FBXL2: variants seen among roughly 807,000 people sequenced by gnomAD.
FBXL2 encodes the protein F-box/LRR-repeat protein 2.
FBXL2 carries 38 observed loss-of-function variants against 69.2 expected under a neutral mutation model. The observed-to-expected ratio is 0.55, with a 90% CI of 0.42 to 0.72. The LOEUF (loss-of-function observed/expected upper bound fraction) is 0.72. Ranked by LOEUF, FBXL2 falls within the 30% of genes least tolerant of loss-of-function variation. The pLI, the probability that FBXL2 is intolerant of heterozygous loss-of-function variation, is 0.00. For missense variants in FBXL2, 354 were observed against 520.3 expected, an observed-to-expected ratio of 0.68 and a Z score of 3.11; for synonymous variants, 192 against 201.3, an observed-to-expected ratio of 0.95 and a Z score of 0.39.
At chr3:33,393,593 C>CA in intron 12 of FBXL2, 1 of 723,734 alleles carries the variant, frequency 1.4e-6, no homozygotes, top group East Asian at 3.1e-5. Flanking sequence ...TGGGAATAAA[C>CA]TATTTCTTTC....
intron 2 of FBXL2, among the ~76,000 whole-genome samples, chr3:33,337,873 A>G (rs760962997): frequency 3.6e-4 from 55 of 152,326 alleles, no homozygotes; most frequent in Non-Finnish European, 5.7e-4. Flanking sequence ...CAATAGCCAG[A>G]AAAAGAATAA....
chr3:33,350,725 C>T (rs1041254740), intron 2 of FBXL2, among the ~76,000 whole-genome samples: 7 of 152,010 alleles, frequency 4.6e-5, no homozygotes, highest in Non-Finnish European at 7.4e-5. Flanking sequence ...TGTGAGCCAC[C>T]GTGCCTAGCC....
At chr3:33,319,880 C>A (rs1239058658) in intron 2 of FBXL2, among the ~76,000 whole-genome samples, 4 of 151,878 alleles carry the variant, frequency 2.6e-5, no homozygotes, top group Non-Finnish European at 5.9e-5. Context: ...ATTCAGACAT[C>A]CAAAAAATAT....
intron 1 of FBXL2, among the ~76,000 whole-genome samples, chr3:33,294,615 G>C (rs1160747304): frequency 2.0e-5 from 3 of 152,062 alleles, no homozygotes; most frequent in Non-Finnish European, 4.4e-5. Context: ...AAGGCAGAAG[G>C]ATCAGTTGAG....
At chr3:33,279,369 C>T (rs561968439) in intron 1 of FBXL2, among the ~76,000 whole-genome samples, 74 of 152,088 alleles carry the variant, frequency 4.9e-4, no homozygotes, top group Non-Finnish European at 9.7e-4. Flanking sequence ...CTCCCGGGTA[C>T]ACGCCATTCT....
At chr3:33,307,880 A>AT (rs1408130570) in intron 2 of FBXL2, among the ~76,000 whole-genome samples, 3 of 152,134 alleles carry the variant, frequency 2.0e-5, no homozygotes, top group Admixed American at 2.0e-4. Flanking sequence ...GACCACATAG[A>AT]TTTTTTTAAA....
chr3:33,385,600 A>G lies in FBXL2; in HGVS notation c.1264A>G (p.Ile422Val). The change falls in exon 15 of 15, where the codon ATT becomes GTT. Residue 422 changes from isoleucine to valine, a missense_variant. Ile to Val is a conservative substitution (Grantham distance 29, BLOSUM62 3). Transcript: ENST00000484457. The part of the protein sequence containing the change: ...SGQRLCRCCV[I>V]L ...ACAGCGACTGTGCAGGTGCTGTGTC[A>G]TTCTCTGACAGCAGCTGCCTGGGCC... 1 of 1,613,704 alleles carries G rather than the reference A, an allele frequency of 6.2e-7. No homozygotes were observed. Among genetic ancestry groups the G allele is most frequent in the South Asian group, 1.1e-5 (1 of 91,058 alleles).
chr3:33,395,750 GAAAAAAAAAAAAAAA>G (rs61654235), intron 12 of FBXL2, among the ~76,000 whole-genome samples: 1 of 69,778 alleles, frequency 1.4e-5, no homozygotes, highest in Non-Finnish European at 2.6e-5. Flanking sequence ...CAGGAAAATT[GAAAAAAAAAAAAAAA>G]AAAAAAAAGA....
chr3:33,296,494 G>T (rs1458639492), intron 1 of FBXL2, among the ~76,000 whole-genome samples: 1 of 151,954 alleles, frequency 6.6e-6, no homozygotes, highest in African/African-American at 2.4e-5. Context: ...TCTTCTAAGG[G>T]TTATAATTTT....
chr3:33,373,198 G>A, intron 6 of FBXL2, 38 bp downstream of exon 6: 4 of 1,611,028 alleles, frequency 2.5e-6, no homozygotes, highest in Non-Finnish European at 3.4e-6. Flanking sequence ...AAATAGCCAC[G>A]GGGAGAGAGA....
At chr3:33,383,687 G>A (rs1198265855) in intron 13 of FBXL2, 1 of 344,154 alleles carries the variant, frequency 2.9e-6, no homozygotes, top group Non-Finnish European at 5.5e-6. Context: ...GAAGAGAGAA[G>A]CCACTCCCAG....
At chr3:33,343,834 T>G (rs1479298970) in intron 2 of FBXL2, among the ~76,000 whole-genome samples, 1 of 152,142 alleles carries the variant, frequency 6.6e-6, no homozygotes, top group African/African-American at 2.4e-5. Flanking sequence ...TCATTTGTAC[T>G]CTTGCCCTTG....
chr3:33,390,155 G>A, downstream of FBXL2: 1 of 633,874 alleles, frequency 1.6e-6, no homozygotes, highest in East Asian at 2.8e-5. Context: ...CTTGGCTATG[G>A]CAGTGACAGT....
intron 2 of FBXL2, among the ~76,000 whole-genome samples, chr3:33,323,883 C>G (rs2038454048): frequency 6.6e-6 from 1 of 152,358 alleles, no homozygotes; most frequent in South Asian, 2.1e-4. Context: ...AATCACCACA[C>G]TGTCTTCCAC....
In FBXL2 at chr3:33,385,878, TAA is replaced by T; in HGVS notation, c.*271_*272del. On this transcript the variant is annotated 3_prime_UTR_variant, in exon 15 of 15. Transcript: ENST00000484457. ...GACCATGCCAGAAACCTGGATCTCT[TAA>T]GAGATTGGTACCTACCTAGGTACGA... The T allele has an allele frequency of 2.1e-6, 1 of 474,764 alleles. No individual in the cohort carries two copies. Among genetic ancestry groups the T allele is most frequent in the East Asian group, 4.1e-5 (1 of 24,648 alleles). The allele number at this position is 474,764 out of a possible 1,614,324, so 29.4% of individuals were successfully genotyped here. A position where few individuals can be genotyped will look rare whatever the true frequency, so the allele number is the denominator to read the frequency against.
the FBXL2 span, among the ~76,000 whole-genome samples, chr3:33,419,342 A>C: frequency 6.6e-6 from 1 of 152,094 alleles, no homozygotes. Context: ...TAAAAATACA[A>C]AATTAGGCTG....
intron 5 of FBXL2, among the ~76,000 whole-genome samples, chr3:33,367,950 A>T (rs1367916263): frequency 6.6e-6 from 1 of 152,026 alleles, no homozygotes; most frequent in African/African-American, 2.4e-5. Context: ...TCCCCTTTTG[A>T]TTTCTTCCAT....
At chr3:33,412,047 C>T in the FBXL2 span, among the ~76,000 whole-genome samples, 3 of 151,958 alleles carry the variant, frequency 2.0e-5, no homozygotes, top group Admixed American at 6.6e-5. Flanking sequence ...ATTAGCCAGA[C>T]GCAGTGGCGC....
chr3:33,393,477 A>G (rs747317919), intron 12 of FBXL2: 2 of 1,589,034 alleles, frequency 1.3e-6, no homozygotes, highest in Non-Finnish European at 8.5e-7. Flanking sequence ...AAAAAAAAAG[A>G]AAAGCATTTT....
Sources: gnomAD v4.1 joint callset for allele counts (sites outside exome capture counted in the v4.1 genomes callset) on GRCh38, gnomAD v4.1.1 for gene constraint, MANE v1.5 for transcripts, NCBI Gene and HGNC (gene_info 2026-07-23, HGNC 2026-07-21) for gene names.